PICALM: variants seen among roughly 807,000 people sequenced by gnomAD.
The protein encoded by PICALM is phosphatidylinositol binding clathrin assembly protein.
PICALM carries 40 observed loss-of-function variants against 80.5 expected under a neutral mutation model. The ratio of observed to expected loss-of-function variants is 0.50; its 90% CI spans 0.39 to 0.65. PICALM has a LOEUF of 0.65. Ranked by LOEUF, PICALM falls within the 30% of genes least tolerant of loss-of-function variation. The pLI, the probability that PICALM is intolerant of heterozygous loss-of-function variation, is 0.00. For synonymous variants in PICALM, 288 were observed against 260.3 expected, an observed-to-expected ratio of 1.11 and a Z score of -1.02; for missense variants, 676 against 778.9, an observed-to-expected ratio of 0.87 and a Z score of 1.57.
At chr11:86,048,069 C>T (rs1565548136) in intron 1 of PICALM, among the ~76,000 whole-genome samples, 4 of 152,092 alleles carry the variant, frequency 2.6e-5, no homozygotes. Context: ...CCACTGCACT[C>T]CAGCCTGGGC....
intron 12 of PICALM, 27 bp downstream of exon 12, chr11:85,996,799 T>A: frequency 7.8e-7 from 1 of 1,283,520 alleles, no homozygotes; most frequent in Non-Finnish European, 1.1e-6. Context: ...GCATGTAACA[T>A]CTAAAATAGA....
chr11:85,988,994 C>T (rs1433673270), intron 13 of PICALM, among the ~76,000 whole-genome samples: 1 of 152,180 alleles, frequency 6.6e-6, no homozygotes, highest in East Asian at 1.9e-4. Context: ...ACATATGCAG[C>T]ATAGTTAAGA....
At chr11:85,981,040 T>C in intron 17 of PICALM, 89 bp downstream of exon 17, 2 of 705,340 alleles carry the variant, frequency 2.8e-6, no homozygotes, top group Non-Finnish European at 5.1e-6. Context: ...AATCCTTCTA[T>C]TTATGTCTAT....
intron 4 of PICALM, among the ~76,000 whole-genome samples, chr11:86,017,005 C>T (rs982842121): frequency 2.6e-5 from 4 of 152,074 alleles, no homozygotes; most frequent in South Asian, 2.1e-4. Flanking sequence ...GAGTGGATCA[C>T]GAGGTCAGGA....
chr11:85,964,953 T>G (rs2093824936), intron 19 of PICALM, among the ~76,000 whole-genome samples: 1 of 152,204 alleles, frequency 6.6e-6, no homozygotes, highest in Non-Finnish European at 1.5e-5. Flanking sequence ...AATTCCTATT[T>G]TTACATGCTT....
chr11:86,000,556 A>G, intron 11 of PICALM, 87 bp downstream of exon 11: 1 of 1,036,990 alleles, frequency 9.6e-7, no homozygotes, highest in Non-Finnish European at 1.4e-6. Flanking sequence ...AAGCATAAAT[A>G]AAAGTAAACC....
chr11:86,018,888 TA>T (rs1255654900), intron 4 of PICALM, among the ~76,000 whole-genome samples: 129 of 55,308 alleles, frequency 2.3e-3, no homozygotes, highest in Admixed American at 3.1e-3. Context: ...GACTCTGACT[TA>T]AAAAAAAAAA....
chr11:86,005,610 TG>T (rs2095260047), intron 8 of PICALM, among the ~76,000 whole-genome samples: 2 of 151,868 alleles, frequency 1.3e-5, no homozygotes, highest in Admixed American at 6.6e-5. Context: ...GAGGCTGAGG[TG>T]GGAGGATTAC....
At chr11:86,048,834 T>C (rs2096124618) in intron 1 of PICALM, among the ~76,000 whole-genome samples, 1 of 68,828 alleles carries the variant, frequency 1.5e-5, no homozygotes, top group Admixed American at 1.6e-4. Flanking sequence ...TGAAACTCCG[T>C]CTCAAAAAAA....
In PICALM at chr11:85,981,155, T is replaced by C. The variant is rs751078013; in HGVS notation, c.1753A>G (p.Thr585Ala). 5 of 1,601,404 alleles carry C rather than the reference T, an allele frequency of 3.1e-6. No individual in the cohort carries two copies. The highest frequency in any genetic ancestry group is 4.3e-6 in the Non-Finnish European group (5 of 1,168,444). Residue 585 changes from threonine (T) to alanine (A), a missense_variant, in exon 17 of 20, where the codon ACA becomes GCA. By Grantham distance (58) the Thr-to-Ala change is moderately conservative (BLOSUM62 0). This residue lies in a region of PICALM where 391 missense variants were observed against 383.6 expected (regional missense o/e 1.02). Transcript: ENST00000393346. Reference protein sequence around the residue: ...GSNWQPKVAPTTAWNAATMAP... With the variant: ...GSNWQPKVAPATAWNAATMAP... ...ATTGTTGCAGCATTCCAAGCGGTTG[T>C]TGGTGCAACCTTTGGTTGCCAGTTA... is the stretch of plus-strand genomic sequence containing the variant.
At chr11:85,981,606 C>CAAAAA in intron 16 of PICALM, 139 bp downstream of exon 16, 1 of 543,232 alleles carries the variant, frequency 1.8e-6, no homozygotes, top group Non-Finnish European at 3.1e-6. Context: ...GACTCCGTGT[C>CAAAAA]AAAAAAAAAA....
At chr11:86,057,003 G>T (rs147055049) in intron 1 of PICALM, among the ~76,000 whole-genome samples, 1 of 152,230 alleles carries the variant, frequency 6.6e-6, no homozygotes, top group Non-Finnish European at 1.5e-5. Flanking sequence ...GTTGCAGGGG[G>T]GCCGAGGAGA....
intron 1 of PICALM, among the ~76,000 whole-genome samples, chr11:86,068,099 A>G (rs977245819): frequency 1.3e-5 from 2 of 152,246 alleles, no homozygotes; most frequent in African/African-American, 4.8e-5. Flanking sequence ...AAGGTGGAAC[A>G]GAAAGCCAGG....
intron 12 of PICALM, 54 bp from the exon 13 acceptor site, chr11:85,990,453 G>C: frequency 8.8e-7 from 1 of 1,132,538 alleles, no homozygotes; most frequent in East Asian, 2.6e-5. Context: ...AAATAAATTA[G>C]TATTGTAATT....
chr11:86,017,630 G>A (rs2095501399), intron 4 of PICALM, among the ~76,000 whole-genome samples: 1 of 152,128 alleles, frequency 6.6e-6, no homozygotes, highest in Non-Finnish European at 1.5e-5. Flanking sequence ...CTTAAGTAAG[G>A]CCTTCCCAGT....
At chr11:85,969,335 C>A (rs1438196816) in intron 19 of PICALM, among the ~76,000 whole-genome samples, 1 of 152,148 alleles carries the variant, frequency 6.6e-6, no homozygotes, top group Non-Finnish European at 1.5e-5. Flanking sequence ...TAAGTAACAG[C>A]TCTCAAAACA....
At chr11:86,008,605 GT>G (rs2136226921) in intron 7 of PICALM, among the ~76,000 whole-genome samples, 1 of 151,758 alleles carries the variant, frequency 6.6e-6, no homozygotes, top group South Asian at 2.1e-4. Context: ...GGGAAACAGA[GT>G]GAGACTCCAT....
rs1394290691 is a variant in PICALM at position 86,045,519 on chromosome 11, C to CGAA, written c.131-13909_131-13908insTTC. ...CATAGTGAGACCCTGTCTTGAAATT[C>CGAA]AAAAAAAAAAAAAAAAAAAAAAAAA... On this transcript the variant is annotated intron_variant, in intron 1 of 19. Coordinates refer to ENST00000393346, the MANE Select transcript of PICALM (RefSeq NM_007166.4). Among the ~76,000 whole-genome samples, 4 of 47,770 alleles carry CGAA rather than the reference C, an allele frequency of 8.4e-5. No individual in the cohort carries two copies. The East Asian group carries it at 4.0e-3, about 47-fold the overall frequency. 31.3% of individuals were successfully genotyped at this position (47,770 alleles called of 152,430 possible).
chr11:85,980,831 T>C (rs1386990062), intron 17 of PICALM, among the ~76,000 whole-genome samples: 3 of 152,172 alleles, frequency 2.0e-5, no homozygotes, highest in African/African-American at 7.2e-5. Context: ...CACTTCCTCA[T>C]CTGTAAAATA....
Sources: allele counts gnomAD v4.1 joint callset (sites outside exome capture counted in the v4.1 genomes callset), GRCh38; gene constraint gnomAD v4.1.1; regional missense constraint gnomAD v4.1.1; transcripts MANE v1.5; gene names NCBI Gene and HGNC (gene_info 2026-07-23, HGNC 2026-07-21).